The following ZWILCH variants were observed in gnomAD, a reference collection of about 807,000 sequenced individuals.
ZWILCH encodes the protein zwilch kinetochore protein.
A neutral mutation model predicts 79.9 loss-of-function variants in ZWILCH; 74 were observed. The ratio of observed to expected loss-of-function variants is 0.93; its 90% CI spans 0.77 to 1.12. The LOEUF is 1.12. Among genes scored for constraint, ZWILCH ranks in the 50% most tolerant of loss-of-function variants. The pLI is 0.00. For synonymous variants in ZWILCH, 241 were observed against 228.2 expected (o/e 1.06, Z -0.51); for missense variants, 694 against 687.5 (o/e 1.01, Z -0.11).
intron 8 of ZWILCH, chr15:66,524,651 G>A (rs1302684994): frequency 2.0e-5 from 3 of 152,140 alleles, no homozygotes; most frequent in African/African-American, 7.2e-5. Flanking sequence ...ATAAAACACA[G>A]TAATTTGTTT....
rs145203838 is a variant in ZWILCH at position 66,519,518 on chromosome 15, G to A, written c.520+440G>A. ...CGCCCAGGTGGGAGTGCAGTGGCGC[G>A]ATCTCGGCTCACTGCAACCTCCGCC... On this transcript the variant is annotated intron_variant, in intron 5 of 18. Transcript: ENST00000307897. Among the ~76,000 whole-genome samples, 451 of 152,108 alleles carry A rather than the reference G, an allele frequency of 3.0e-3. 1 individual carries two copies. Among genetic ancestry groups the A allele is most frequent in the African/African-American group, 0.01 (420 of 41,498 alleles).
At chr15:66,514,206 G>T in intron 3 of ZWILCH, 123 bp downstream of exon 3, 1 of 623,036 alleles carries the variant, frequency 1.6e-6, no homozygotes. Flanking sequence ...ATTCTTTTAG[G>T]AGTAAGTGTA....
chr15:66,540,715 G>A (rs1432974283), intron 17 of ZWILCH, among the ~76,000 whole-genome samples: 3 of 149,258 alleles, frequency 2.0e-5, no homozygotes, highest in Non-Finnish European at 4.5e-5. Flanking sequence ...TGCAGCCTCC[G>A]CCTCCTGGGT....
At chr15:66,532,475 T>C in intron 13 of ZWILCH, 72 bp downstream of exon 13, 1 of 1,394,442 alleles carries the variant, frequency 7.2e-7, no homozygotes, top group Non-Finnish European at 9.7e-7. Flanking sequence ...TCTCGGATTT[T>C]CTGTTTCTGC....
In ZWILCH at chr15:66,548,545, AGG is replaced by A. The variant is rs1441884277; in HGVS notation, c.*223_*224del. On this transcript the variant is annotated 3_prime_UTR_variant, in exon 19 of 19. Transcript: ENST00000307897. ...TAGAACAGCAGTGATGAGGACACAG[AGG>A]GAGCAGACAGTGGGTACCACGATCT... The A allele has an allele frequency of 1.2e-6, 2 of 1,613,634 alleles. No individual in the cohort carries two copies. The highest frequency in any genetic ancestry group is 3.3e-5 in the Admixed American group (2 of 60,002).
In ZWILCH at chr15:66,514,006, T is replaced by A. The variant is rs769256442; in HGVS notation, c.124T>A (p.Leu42Met). 5.0e-6 allele frequency: 8 copies of A among 1,611,810 alleles called. No homozygotes were observed. The highest frequency in any genetic ancestry group is 5.9e-6 in the Non-Finnish European group (7 of 1,179,144). The change falls in exon 3 of 19, where the codon TTG becomes ATG. Residue 42 changes from leucine (L) to methionine (M), a missense_variant. Physicochemically the swap from Leu to Met is conservative, Grantham distance 15. Coordinates refer to ENST00000307897, the MANE Select transcript of ZWILCH (RefSeq NM_017975.5). ...TTAACAGGCTGATGTCCAAGTGCAG[T>A]TGATCAGCAAAGGCCAACCAAACCC... ...FLYEADVQVQ[L>M]ISKGQPNPLK...
At chr15:66,520,903 C>T in intron 6 of ZWILCH, 147 bp from the exon 7 acceptor site, 1 of 923,652 alleles carries the variant, frequency 1.1e-6, no homozygotes, top group Non-Finnish European at 1.7e-6. Context: ...AAGTATATAT[C>T]CCAAAAATAT....
Position 66,520,594 on chromosome 15 carries a change from TA to T in ZWILCH, c.530del (p.Asn177IlefsTer4). The T allele has an allele frequency of 1.4e-6, 2 of 1,468,356 alleles. No individual in the cohort carries two copies. The highest frequency in any genetic ancestry group is 1.2e-5 in the South Asian group (1 of 85,426). The allele number at this position is 1,468,356 out of a possible 1,614,324, so 91.0% of individuals were successfully genotyped here. ...TCTTTCTTTCATTTCCTATAGCTGA[TA>T]AAAATTATTCTGTAAATCTTGAAAA... is the stretch of plus-strand genomic sequence containing the variant. Reference protein sequence around the residue: ...VLYVVSCKADKNYSVNLENLK... With the variant: ...VLYVVSCKADXNYSVNLENLK... On this transcript the variant is annotated frameshift_variant, in exon 6 of 19. Transcript: ENST00000307897. LOFTEE classifies it high-confidence loss of function.
intron 18 of ZWILCH, chr15:66,546,944 T>G (rs76428668): frequency 0.21 from 39,159 of 184,244 alleles, 4,939 homozygotes; most frequent in South Asian, 0.32. Flanking sequence ...AAAAAAAAAT[T>G]CTTGAGTGGT....
chr15:66,545,713 CT>C (rs1434783588), intron 17 of ZWILCH, among the ~76,000 whole-genome samples: 1 of 152,178 alleles, frequency 6.6e-6, no homozygotes, highest in Non-Finnish European at 1.5e-5. Flanking sequence ...TATTCAGTGT[CT>C]TTTATCCCCA....
At chr15:66,531,201 A>C (rs1387803554) in intron 12 of ZWILCH, among the ~76,000 whole-genome samples, 1 of 152,190 alleles carries the variant, frequency 6.6e-6, no homozygotes, top group African/African-American at 2.4e-5. Context: ...GCCAATGAGG[A>C]GTTCCTTATG....
chr15:66,520,774 A>G (rs867588150), intron 6 of ZWILCH, 114 bp downstream of exon 6: 3 of 761,302 alleles, frequency 3.9e-6, no homozygotes, highest in Non-Finnish European at 2.1e-6. Flanking sequence ...CTGTAGTATG[A>G]AAATGTTTAT....
intron 2 of ZWILCH, among the ~76,000 whole-genome samples, chr15:66,509,317 T>A (rs1324786794): frequency 1.3e-5 from 2 of 152,234 alleles, no homozygotes; most frequent in Non-Finnish European, 2.9e-5. Flanking sequence ...AATGTTCTTA[T>A]GTCCCTTTAC....
intron 12 of ZWILCH, 131 bp downstream of exon 12, chr15:66,529,704 G>T: frequency 3.1e-6 from 2 of 643,368 alleles, no homozygotes; most frequent in South Asian, 2.1e-5. Flanking sequence ...AGTTCGGCAG[G>T]TTCCTTTACT....
intron 2 of ZWILCH, among the ~76,000 whole-genome samples, chr15:66,511,678 G>A (rs527389609): frequency 4.6e-5 from 7 of 151,718 alleles, no homozygotes; most frequent in African/African-American, 9.7e-5. Flanking sequence ...GTGCAGTGGC[G>A]CGATCCTGGT....
At chr15:66,538,535 A>T (rs769675655) in intron 16 of ZWILCH, among the ~76,000 whole-genome samples, 9 of 151,754 alleles carry the variant, frequency 5.9e-5, no homozygotes, top group African/African-American at 2.2e-4. Flanking sequence ...GGCGCCCACC[A>T]CCACACCCGG....
intron 17 of ZWILCH, among the ~76,000 whole-genome samples, chr15:66,546,233 A>C (rs919492300): frequency 6.6e-6 from 1 of 152,242 alleles, no homozygotes; most frequent in Non-Finnish European, 1.5e-5. Context: ...TAAGACTACA[A>C]ATCTTAAATA....
In ZWILCH at chr15:66,548,575, G is replaced by T; in HGVS notation, c.*251G>T. Reference sequence around the variant, plus strand: ...GCAGACAGTGGGTACCACGATCTCCGTAACCATTTGCATGTGACTTAGCAA... The same window carrying T: ...GCAGACAGTGGGTACCACGATCTCCTTAACCATTTGCATGTGACTTAGCAA... On this transcript the variant is annotated 3_prime_UTR_variant, in exon 19 of 19. Coordinates refer to ENST00000307897, the MANE Select transcript of ZWILCH (RefSeq NM_017975.5). 1 of 1,611,476 alleles carries T rather than the reference G, an allele frequency of 6.2e-7. No individual in the cohort carries two copies. The highest frequency in any genetic ancestry group is 1.3e-5 in the African/African-American group (1 of 74,996).
intron 10 of ZWILCH, among the ~76,000 whole-genome samples, chr15:66,528,329 C>T (rs1028892577): frequency 6.0e-4 from 92 of 152,260 alleles, no homozygotes; most frequent in African/African-American, 2.1e-3. Context: ...GTCTTGAACT[C>T]GTGGGCTCAA....
Sources: allele counts gnomAD v4.1 joint callset (sites outside exome capture counted in the v4.1 genomes callset), GRCh38; gene constraint gnomAD v4.1.1; transcripts MANE v1.5; gene names NCBI Gene and HGNC (gene_info 2026-07-23, HGNC 2026-07-21).